The following SCFD1 variants were observed in gnomAD, a reference collection of about 807,000 sequenced individuals.
The protein encoded by SCFD1 is sec1 family domain containing 1, also known as sec1 family domain-containing protein 1.
In SCFD1, 37 loss-of-function variants were observed where a neutral mutation model predicts 103.2. That is an observed-to-expected ratio of 0.36 (90% CI 0.28 to 0.47). The LOEUF (loss-of-function observed/expected upper bound fraction) is 0.47. SCFD1 is among the 20% of genes least tolerant of loss of function. The probability of loss-of-function intolerance (pLI) is 1.00; values close to 1 mark genes in which losing one functional copy is unlikely to be tolerated. For missense variants in SCFD1, 639 were observed against 761.2 expected (o/e 0.84, Z 1.89); for synonymous variants, 264 against 245.0 (o/e 1.08, Z -0.73).
At chr14:30,667,637 G>A (rs537458220) in intron 10 of SCFD1, among the ~76,000 whole-genome samples, 2 of 152,200 alleles carry the variant, frequency 1.3e-5, no homozygotes, top group South Asian at 2.1e-4. Context: ...TAGATGACAT[G>A]ATTGTATATT....
chr14:30,643,260 G>A (rs1413110982), intron 6 of SCFD1, 56 bp from the exon 7 acceptor site: 2 of 1,035,706 alleles, frequency 1.9e-6, no homozygotes, highest in Non-Finnish European at 3.0e-6. Flanking sequence ...AGGAGTTTTA[G>A]AAAGATGAGG....
At chr14:30,704,546 GA>G (rs1347528537) in intron 17 of SCFD1, among the ~76,000 whole-genome samples, 2 of 152,090 alleles carry the variant, frequency 1.3e-5, no homozygotes, top group Non-Finnish European at 2.9e-5. Context: ...TGTTAATGCA[GA>G]AATTCTAATC....
intron 18 of SCFD1, among the ~76,000 whole-genome samples, chr14:30,706,902 C>T (rs1281301078): frequency 6.6e-6 from 1 of 152,192 alleles, no homozygotes; most frequent in Non-Finnish European, 1.5e-5. Flanking sequence ...GCCTCACCTT[C>T]AGACAGTGCT....
intron 6 of SCFD1, 48 bp from the exon 7 acceptor site, chr14:30,643,268 A>G (rs1391376563): frequency 1.9e-6 from 2 of 1,068,070 alleles, no homozygotes; most frequent in Non-Finnish European, 1.5e-6. Flanking sequence ...TAGAAAGATG[A>G]GGCATAAGTT....
intron 23 of SCFD1, among the ~76,000 whole-genome samples, chr14:30,730,538 A>G (rs1404893439): frequency 6.6e-6 from 1 of 152,108 alleles, no homozygotes; most frequent in Non-Finnish European, 1.5e-5. Flanking sequence ...CTGACTTTTT[A>G]ATGATTGCCA....
At chr14:30,675,411 T>G (rs1888946050) in intron 14 of SCFD1, 1 of 165,412 alleles carries the variant, frequency 6.0e-6, no homozygotes, top group Non-Finnish European at 1.3e-5. Flanking sequence ...TTACCAGAGT[T>G]CTATCTAAAA....
intron 16 of SCFD1, among the ~76,000 whole-genome samples, chr14:30,700,692 A>G (rs1031553902): frequency 6.6e-6 from 1 of 152,150 alleles, no homozygotes; most frequent in Admixed American, 6.5e-5. Flanking sequence ...TAAAAGAAAA[A>G]AAAGAAAAAC....
intron 9 of SCFD1, among the ~76,000 whole-genome samples, chr14:30,652,120 T>C (rs1366879083): frequency 6.6e-6 from 1 of 152,114 alleles, no homozygotes; most frequent in Non-Finnish European, 1.5e-5. Flanking sequence ...TATCCCCGAG[T>C]CAATGCAGTT....
chr14:30,656,556 C>T (rs369527462), intron 10 of SCFD1, among the ~76,000 whole-genome samples: 17 of 152,090 alleles, frequency 1.1e-4, no homozygotes, highest in East Asian at 9.7e-4. Flanking sequence ...GTCTTACACA[C>T]GCCAATTATA....
rs1194040048 is a variant in SCFD1, at chr14:30,670,273, G to A, written c.873G>A (p.Arg291=). The A allele has an allele frequency of 6.3e-7, 1 of 1,588,702 alleles. No individual in the cohort carries two copies. The highest frequency in any genetic ancestry group is 8.5e-7 in the Non-Finnish European group (1 of 1,170,660). Residue 291 remains arginine (R), a synonymous_variant, in exon 11 of 25, where the codon AGG becomes AGA. Coordinates refer to ENST00000458591, the MANE Select transcript of SCFD1 (RefSeq NM_016106.4). The stretch of plus-strand genomic sequence containing the variant: ...TTTCCTAGGATTTCCATTTAAACAG[G>A]GTTAATTTGGAAGAATCTTCAGGAG... ...VHDVLDFHLN[R]VNLEESSGVE...
At chr14:30,644,146 C>G in intron 7 of SCFD1, 1 of 335,276 alleles carries the variant, frequency 3.0e-6, no homozygotes, top group Non-Finnish European at 5.9e-6. Flanking sequence ...TGACCTCCAG[C>G]TATATCTATG....
In SCFD1 at chr14:30,730,523, G is replaced by T. The variant is rs1020817700; in HGVS notation, c.1837-4267G>T. Among the ~76,000 whole-genome samples, 3 of 152,274 alleles carry T rather than the reference G, an allele frequency of 2.0e-5. No homozygotes were observed. The East Asian group carries it at 5.8e-4, about 29-fold the overall frequency. On this transcript the variant is annotated intron_variant, in intron 23 of 24. Transcript: ENST00000458591. Reference sequence around the variant, plus strand: ...CTCCACATCCTCTCCAGCACCTGTTGTTCCCTGACTTTTTAATGATTGCCA... The same window carrying T: ...CTCCACATCCTCTCCAGCACCTGTTTTTCCCTGACTTTTTAATGATTGCCA...
intron 19 of SCFD1, among the ~76,000 whole-genome samples, chr14:30,712,454 A>T (rs1941793398): frequency 6.6e-6 from 1 of 152,228 alleles, no homozygotes; most frequent in African/African-American, 2.4e-5. Context: ...CAAAGGAAAA[A>T]AAACACTTCC....
At chr14:30,667,141 A>G (rs966279869) in intron 10 of SCFD1, among the ~76,000 whole-genome samples, 3 of 152,250 alleles carry the variant, frequency 2.0e-5, no homozygotes, top group African/African-American at 4.8e-5. Flanking sequence ...ATGAACATCA[A>G]TGCGAAAATC....
chr14:30,652,099 C>T (rs1282087163), intron 9 of SCFD1, among the ~76,000 whole-genome samples: 1 of 152,194 alleles, frequency 6.6e-6, no homozygotes, highest in African/African-American at 2.4e-5. Context: ...AAGGGTGCCA[C>T]TCTGACTTTT....
intron 9 of SCFD1, 69 bp from the exon 10 acceptor site, chr14:30,653,417 AAGT>A (rs754663296): frequency 3.3e-6 from 3 of 912,292 alleles, no homozygotes; most frequent in Non-Finnish European, 5.3e-6. Context: ...ATATACTGGA[AAGT>A]AGTAGAATAT....
intron 7 of SCFD1, 42 bp from the exon 8 acceptor site, chr14:30,649,486 A>G: frequency 1.5e-6 from 2 of 1,344,160 alleles, no homozygotes; most frequent in Non-Finnish European, 2.1e-6. Flanking sequence ...ATCTATTTTA[A>G]TTAAGAGCCA....
chr14:30,703,944 T>TG (rs1891272416), intron 17 of SCFD1, among the ~76,000 whole-genome samples: 1 of 57,068 alleles, frequency 1.8e-5, no homozygotes, highest in African/African-American at 1.6e-4. Context: ...TATATATATA[T>TG]ATATATATAT....
intron 4 of SCFD1, among the ~76,000 whole-genome samples, chr14:30,636,153 C>A (rs1201620360): frequency 1.3e-5 from 2 of 152,034 alleles, no homozygotes; most frequent in African/African-American, 2.4e-5. Flanking sequence ...TAGACACTCA[C>A]AAGTTTATGA....
Sources: allele counts gnomAD v4.1 joint callset (sites outside exome capture counted in the v4.1 genomes callset), GRCh38; gene constraint gnomAD v4.1.1; transcripts MANE v1.5; gene names NCBI Gene and HGNC (gene_info 2026-07-23, HGNC 2026-07-21).